ARCN1: variants seen among roughly 807,000 people sequenced by gnomAD.
ARCN1 encodes the protein archain 1 coat protein complex I subunit delta.
A neutral mutation model predicts 60.4 loss-of-function variants in ARCN1; 5 were observed. That is an observed-to-expected ratio of 0.08 (90% CI 0.04 to 0.17). The LOEUF is 0.17. ARCN1 is among the 10% of genes least tolerant of loss of function. The pLI, the probability that ARCN1 is intolerant of heterozygous loss-of-function variation, is 1.00. For missense variants in ARCN1, 464 were observed against 626.5 expected (o/e 0.74, Z 2.77); for synonymous variants, 224 against 220.0 (o/e 1.02, Z -0.16).
intron 3 of ARCN1, 107 bp downstream of exon 3, chr11:118,583,465 A>G (rs190453820): frequency 3.8e-6 from 5 of 1,313,614 alleles, no homozygotes; most frequent in African/African-American, 3.0e-5. Context: ...ATTCAAAACT[A>G]TGTCCAGGCT....
chr11:118,581,524 A>T lies in ARCN1; in HGVS notation c.267+15A>T. On this transcript the variant is annotated intron_variant, in intron 2 of 9. Transcript: ENST00000264028. ...TCTCAAGAGTGGTAAGAGTACTGCT[A>T]TAATACTGGGTTCCACTTTTTGTTT... The T allele has an allele frequency of 6.3e-7, 1 of 1,587,532 alleles. No homozygotes were observed. The highest frequency in any genetic ancestry group is 8.6e-7 in the Non-Finnish European group (1 of 1,166,090).
chr11:118,583,703 A>G, intron 3 of ARCN1, 106 bp from the exon 4 acceptor site: 1 of 1,159,186 alleles, frequency 8.6e-7, no homozygotes, highest in Admixed American at 2.3e-5. Context: ...GGCTGCAGTG[A>G]GCTGTGATTG....
At chr11:118,574,791 T>C (rs1938446904) in intron 1 of ARCN1, among the ~76,000 whole-genome samples, 1 of 151,994 alleles carries the variant, frequency 6.6e-6, no homozygotes, top group Non-Finnish European at 1.5e-5. Context: ...GGTCTCACTA[T>C]GTTGCCCAGG....
chr11:118,572,583 G>A (rs376915796), intron 1 of ARCN1, 33 bp downstream of exon 1: 2 of 1,600,110 alleles, frequency 1.2e-6, no homozygotes, highest in Non-Finnish European at 1.7e-6. Flanking sequence ...AACTCCTGGG[G>A]TCCGAGCCTC....
At chr11:118,577,260 T>C (rs1264420140) in intron 1 of ARCN1, among the ~76,000 whole-genome samples, 3 of 152,054 alleles carry the variant, frequency 2.0e-5, no homozygotes, top group African/African-American at 7.2e-5. Flanking sequence ...TTCTTTTTTT[T>C]TTTTGAGGCA....
chr11:118,572,959 C>T, intron 1 of ARCN1: 1 of 219,586 alleles, frequency 4.6e-6, no homozygotes, highest in Non-Finnish European at 8.9e-6. Flanking sequence ...GGTTCTGGTC[C>T]TTCTGTTAAT....
intron 6 of ARCN1, among the ~76,000 whole-genome samples, chr11:118,591,898 CTATTTATT>C (rs1184197221): frequency 7.3e-5 from 11 of 151,530 alleles, no homozygotes; most frequent in East Asian, 3.9e-4. Context: ...CCACACCCAG[CTATTTATT>C]TATTTATTTA....
In ARCN1 at chr11:118,581,317, C is replaced by G. The variant is rs146475733; in HGVS notation, c.75C>G (p.Thr25=). Residue 25 remains threonine, a synonymous_variant, in exon 2 of 10, where the codon ACC becomes ACG. Coordinates refer to ENST00000264028, the MANE Select transcript of ARCN1 (RefSeq NM_001655.5). ...AIVSRQFVEM[T]RTRIEGLLAA... ...TTTCTCGACAGTTTGTGGAAATGAC[C>G]CGAACTCGGATTGAGGGCTTATTAG... 1 of 1,614,150 alleles carries G rather than the reference C, an allele frequency of 6.2e-7. No homozygotes were observed. Among genetic ancestry groups the G allele is most frequent in the Non-Finnish European group, 8.5e-7 (1 of 1,180,036 alleles).
rs1939157252 is a variant in ARCN1 at position 118,601,973 on chromosome 11, C to T, written c.*1259C>T. ...ATCCATTCACATTCCTCAGTTTCAC[C>T]ACCTCCCTCTTCCAGACTGCACTCT... On this transcript the variant is annotated 3_prime_UTR_variant, in exon 10 of 10. Coordinates refer to ENST00000264028, the MANE Select transcript of ARCN1 (RefSeq NM_001655.5). 1 of 492,840 alleles carries T rather than the reference C, an allele frequency of 2.0e-6. No homozygotes were observed. Among genetic ancestry groups the T allele is most frequent in the African/African-American group, 1.9e-5 (1 of 51,798 alleles). 30.5% of individuals were successfully genotyped at this position (492,840 alleles called of 1,614,324 possible). A position where few individuals can be genotyped will look rare whatever the true frequency, so the allele number is the denominator to read the frequency against.
rs1235906453 is a variant in ARCN1 at position 118,601,752 on chromosome 11, T to C, written c.*1038T>C. ...AGAACAGTACCATGAATCCCACTTG[T>C]GTCAATATTAAAGATAGCTGAGAAG... On this transcript the variant is annotated 3_prime_UTR_variant, in exon 10 of 10. Coordinates refer to ENST00000264028, the MANE Select transcript of ARCN1 (RefSeq NM_001655.5). The C allele has an allele frequency of 1.4e-6, 1 of 702,702 alleles. No homozygotes were observed. Among genetic ancestry groups the C allele is most frequent in the East Asian group, 2.7e-5 (1 of 37,292 alleles). 43.5% of individuals were successfully genotyped at this position (702,702 alleles called of 1,614,324 possible). A position where few individuals can be genotyped will look rare whatever the true frequency, so the allele number is the denominator to read the frequency against.
intron 1 of ARCN1, among the ~76,000 whole-genome samples, chr11:118,578,660 A>T (rs1591381824): frequency 6.6e-6 from 1 of 152,208 alleles, no homozygotes; most frequent in East Asian, 1.9e-4. Flanking sequence ...TCTCTAGAGG[A>T]TCGATGCATT....
At chr11:118,584,096 A>G in intron 4 of ARCN1, 82 bp downstream of exon 4, 2 of 1,360,544 alleles carry the variant, frequency 1.5e-6, no homozygotes, top group Non-Finnish European at 2.0e-6. Flanking sequence ...TTTCTTGGAA[A>G]GCTGTAAATA....
intron 1 of ARCN1, among the ~76,000 whole-genome samples, chr11:118,578,499 T>C (rs1413414258): frequency 6.6e-6 from 1 of 152,186 alleles, no homozygotes; most frequent in African/African-American, 2.4e-5. Context: ...CATAAAATTC[T>C]AACATAGAGG....
chr11:118,594,824 A>G (rs1441794179), intron 8 of ARCN1, among the ~76,000 whole-genome samples: 1 of 151,522 alleles, frequency 6.6e-6, no homozygotes, highest in Non-Finnish European at 1.5e-5. Context: ...TGCTGGGATT[A>G]TGGGCGTGAG....
At position 118,597,967 on chromosome 11, in the gene ARCN1, C is replaced by T. The variant is rs559833223; in HGVS notation, c.1446+56C>T. The T allele has an allele frequency of 2.2e-5, 35 of 1,559,582 alleles. No homozygotes were observed. The East Asian group carries it at 2.5e-4, about 11-fold the overall frequency. Reference sequence around the variant, plus strand: ...GGAAAGTGGTAGGACAGTAGGAACACGTATAGGATGCCAGACAGGTAGCAT... The same window carrying T: ...GGAAAGTGGTAGGACAGTAGGAACATGTATAGGATGCCAGACAGGTAGCAT... On this transcript the variant is annotated intron_variant, in intron 9 of 9. Transcript: ENST00000264028.
At chr11:118,592,678 C>T (rs1938939130) in intron 6 of ARCN1, 31 bp from the exon 7 acceptor site, 1 of 1,600,000 alleles carries the variant, frequency 6.3e-7, no homozygotes, top group Non-Finnish European at 8.5e-7. Context: ...CTATCTGAAC[C>T]TCAGGAGTTT....
intron 1 of ARCN1, 144 bp from the exon 2 acceptor site, chr11:118,581,102 A>G (rs1384798350): frequency 1.8e-5 from 19 of 1,064,544 alleles, no homozygotes; most frequent in Non-Finnish European, 2.6e-5. Context: ...CATGGGTGAC[A>G]GAGTGAGACC....
Position 118,592,592 on chromosome 11 carries a change from T to C in ARCN1, c.985-117T>C, listed in dbSNP as rs186474550. On this transcript the variant is annotated intron_variant, in intron 6 of 9. Coordinates refer to ENST00000264028, the MANE Select transcript of ARCN1 (RefSeq NM_001655.5). Reference sequence around the variant, plus strand: ...AATCTTTCTTCAAAATGAAAAAGAATTGGAATTTGTTAGGTACTCTATTTT... The same window carrying C: ...AATCTTTCTTCAAAATGAAAAAGAACTGGAATTTGTTAGGTACTCTATTTT... The C allele has an allele frequency of 9.7e-5, 65 of 673,074 alleles. No individual in the cohort carries two copies. In the African/African-American group the frequency reaches 1.2e-3, roughly 12 times the overall value. The allele number at this position is 673,074 out of a possible 1,614,324, so 41.7% of individuals were successfully genotyped here.
In ARCN1 at chr11:118,597,719, C is replaced by T. The variant is rs782363923; in HGVS notation, c.1254C>T (p.Gly418=). 1.9e-6 allele frequency: 3 copies of T among 1,613,890 alleles called. No individual in the cohort carries two copies. The highest frequency in any genetic ancestry group is 1.1e-5 in the South Asian group (1 of 91,062). ...VITIPLPSGV[G]APVIGEIDGE... is the part of the protein sequence containing the mutation. ...TTTCTCACAACAGGTCTGGTGTCGGCGCGCCTGTTATCGGTGAGATCGATG... is the reference window on the plus strand; with the variant it reads ...TTTCTCACAACAGGTCTGGTGTCGGTGCGCCTGTTATCGGTGAGATCGATG... The change falls in exon 9 of 10, where the codon GGC becomes GGT. Residue 418 remains glycine, a synonymous_variant. Transcript: ENST00000264028.
Sources: allele counts gnomAD v4.1 joint callset (sites outside exome capture counted in the v4.1 genomes callset), GRCh38; gene constraint gnomAD v4.1.1; transcripts MANE v1.5; gene names NCBI Gene and HGNC (gene_info 2026-07-23, HGNC 2026-07-21).